Variants in ASAP2 observed in about 807,000 individuals in gnomAD.
ASAP2 encodes the protein arf-GAP with SH3 domain, ANK repeat and PH domain-containing protein 2.
In ASAP2, 45 loss-of-function variants were observed where a neutral mutation model predicts 131.4. That is an observed-to-expected ratio of 0.34 (90% CI 0.27 to 0.44). The LOEUF (loss-of-function observed/expected upper bound fraction) is 0.44, where lower values mean the gene tolerates loss of function less well. Among genes scored for constraint, ASAP2 ranks in the 20% least tolerant of loss-of-function variants. The pLI is 1.00. For missense variants in ASAP2, 1,011 were observed against 1,297.0 expected (o/e 0.78, Z 3.39); for synonymous variants, 510 against 503.0 (o/e 1.01, Z -0.19).
chr2:9,271,435 T>C, intron 1 of ASAP2: 1 of 1,427,600 alleles, frequency 7.0e-7, no homozygotes, highest in Non-Finnish European at 9.9e-7. Context: ...GCAGGCAAAC[T>C]TCTTAAACGC....
intron 12 of ASAP2, 88 bp downstream of exon 12, chr2:9,350,983 G>T: frequency 3.0e-6 from 3 of 1,016,516 alleles, no homozygotes; most frequent in East Asian, 2.6e-5. Flanking sequence ...CACTGCATTC[G>T]GAAGAATTGG....
At chr2:9,331,168 C>A (rs1460931159) in intron 7 of ASAP2, among the ~76,000 whole-genome samples, 1 of 152,254 alleles carries the variant, frequency 6.6e-6, no homozygotes, top group Non-Finnish European at 1.5e-5. Flanking sequence ...GGCCTCTGCA[C>A]ACTGCTGTGC....
chr2:9,236,063 A>G (rs1474278990), intron 1 of ASAP2, among the ~76,000 whole-genome samples: 3 of 152,068 alleles, frequency 2.0e-5, no homozygotes, highest in Non-Finnish European at 4.4e-5. Context: ...ACCTTGTCCC[A>G]AGTGTGTCCG....
intron 1 of ASAP2, among the ~76,000 whole-genome samples, chr2:9,208,039 G>T (rs1009570915): frequency 1.3e-5 from 2 of 152,210 alleles, no homozygotes; most frequent in Admixed American, 6.5e-5. Flanking sequence ...AATTAAAGCC[G>T]TGGGGAAAGG....
In ASAP2 at chr2:9,379,074, G is replaced by T; in HGVS notation, c.1948+15G>T. 1 of 1,502,898 alleles carries T rather than the reference G, an allele frequency of 6.7e-7. No homozygotes were observed. Among genetic ancestry groups the T allele is most frequent in the Non-Finnish European group, 8.9e-7 (1 of 1,123,358 alleles). The allele number at this position is 1,502,898 out of a possible 1,614,324, so 93.1% of individuals were successfully genotyped here. On this transcript the variant is annotated intron_variant, in intron 19 of 27. Coordinates refer to ENST00000281419, the MANE Select transcript of ASAP2 (RefSeq NM_003887.3). ...CATCGAGATAGGTGAGTGGGCCCGG[G>T]CCCCGGGGGTGGGCTCAGCTGCACC...
At chr2:9,386,682 G>A (rs1397023892) in intron 21 of ASAP2, among the ~76,000 whole-genome samples, 1 of 152,224 alleles carries the variant, frequency 6.6e-6, no homozygotes, top group African/African-American at 2.4e-5. Context: ...GAAAGGGTTG[G>A]TGGTCCTGTG....
chr2:9,377,322 C>T (rs1674485848), intron 18 of ASAP2, among the ~76,000 whole-genome samples: 2 of 152,310 alleles, frequency 1.3e-5, no homozygotes, highest in Middle Eastern at 6.8e-3. Context: ...TCCTGTGAGC[C>T]AGGTCATCGT....
chr2:9,367,100 G>A (rs1673539149), intron 15 of ASAP2, among the ~76,000 whole-genome samples: 1 of 147,474 alleles, frequency 6.8e-6, no homozygotes, highest in East Asian at 2.0e-4. Flanking sequence ...GTGTGATCTC[G>A]GCTCACTGCA....
intron 2 of ASAP2, among the ~76,000 whole-genome samples, chr2:9,291,652 G>A (rs981911374): frequency 2.0e-5 from 3 of 152,252 alleles, no homozygotes; most frequent in South Asian, 2.1e-4. Context: ...TCCCTTCGCC[G>A]AGCTGTCTGC....
chr2:9,395,063 G>A (rs990185235), intron 24 of ASAP2, among the ~76,000 whole-genome samples: 5 of 152,210 alleles, frequency 3.3e-5, no homozygotes, highest in Non-Finnish European at 7.3e-5. Context: ...CCTGGCCCTG[G>A]AAGCTGGCAC....
chr2:9,239,665 T>C (rs957542993), intron 1 of ASAP2, among the ~76,000 whole-genome samples: 3 of 152,204 alleles, frequency 2.0e-5, no homozygotes, highest in Admixed American at 1.3e-4. Flanking sequence ...TGGACCCATC[T>C]AAGGGGCACA....
chr2:9,336,329 A>T (rs1331263577), intron 9 of ASAP2, among the ~76,000 whole-genome samples: 1 of 150,788 alleles, frequency 6.6e-6, no homozygotes, highest in African/African-American at 2.4e-5. Flanking sequence ...TGAATTCTAC[A>T]CATCTCTCTA....
chr2:9,393,461 G>C, intron 23 of ASAP2, 21 bp from the exon 24 acceptor site: 1 of 1,588,394 alleles, frequency 6.3e-7, no homozygotes, highest in Non-Finnish European at 8.6e-7. Flanking sequence ...CCCTCTGCAC[G>C]TCTCTCCCTG....
chr2:9,206,930 G>C lies in ASAP2; in HGVS notation c.-175G>C, dbSNP rs1277967577. ...CCGGCCGAGCTGCGCGGGGCTGCGC[G>C]CCGCCCCTGCTCCGCCGCCAGGCCC... is the stretch of plus-strand genomic sequence containing the variant. On this transcript the variant is annotated 5_prime_UTR_variant, in exon 1 of 28. Coordinates refer to ENST00000281419, the MANE Select transcript of ASAP2 (RefSeq NM_003887.3). This position sits in a 1 kb window ranked among gnomAD's most constrained non-coding sequence, Gnocchi z 4.0. The C allele has an allele frequency of 4.4e-5, 18 of 410,526 alleles. No individual in the cohort carries two copies. Among genetic ancestry groups the C allele is most frequent in the Non-Finnish European group, 4.9e-5 (15 of 307,646 alleles). The allele number at this position is 410,526 out of a possible 1,614,324, so 25.4% of individuals were successfully genotyped here.
intron 24 of ASAP2, among the ~76,000 whole-genome samples, chr2:9,394,772 C>T (rs897301766): frequency 3.9e-5 from 6 of 152,192 alleles, no homozygotes; most frequent in African/African-American, 1.4e-4. Context: ...ATTCTGCTGA[C>T]AGATTGTCAG....
chr2:9,286,437 G>GAAAAA (rs556978805), intron 2 of ASAP2, among the ~76,000 whole-genome samples: 321 of 128,922 alleles, frequency 2.5e-3, no homozygotes, highest in African/African-American at 9.3e-3. Context: ...TTTAAAAAAG[G>GAAAAA]AAAAAAAAAA....
intron 5 of ASAP2, among the ~76,000 whole-genome samples, chr2:9,321,106 A>G (rs532220556): frequency 6.6e-6 from 1 of 152,298 alleles, no homozygotes; most frequent in East Asian, 1.9e-4. Context: ...TGTGTCTTGG[A>G]GTGCTCTGAA....
At position 9,378,860 on chromosome 2, in the gene ASAP2, G is replaced by T. The variant is rs889464832; in HGVS notation, c.1833-84G>T. 2.0e-5 allele frequency: 19 copies of T among 966,562 alleles called. No individual in the cohort carries two copies. The African/African-American group carries it at 3.1e-4, about 16-fold the overall frequency. The allele number at this position is 966,562 out of a possible 1,614,324, so 59.9% of individuals were successfully genotyped here. ...GGGACTGTCTGCCTTTCCTGTGCCC[G>T]TAGCCCAGGCTCCCTGCCGGGCAGT... On this transcript the variant is annotated intron_variant, in intron 18 of 27. Coordinates refer to ENST00000281419, the MANE Select transcript of ASAP2 (RefSeq NM_003887.3).
chr2:9,379,009 A>G lies in ASAP2; in HGVS notation c.1898A>G (p.Asn633Ser), dbSNP rs199625106. ...CTGCACTACTGCTGCCTGACCGACA[A>G]TGCCGAGTGCCTCAAGTTGCTCCTG... ...TALHYCCLTD[N>S]AECLKLLLRG... The change falls in exon 19 of 28, where the codon AAT becomes AGT. Residue 633 changes from asparagine to serine, a missense_variant. This residue lies in a region of ASAP2 where 652 missense variants were observed against 698.9 expected (regional missense o/e 0.93). Transcript: ENST00000281419. The G allele has an allele frequency of 3.8e-6, 6 of 1,578,042 alleles. No homozygotes were observed. Among genetic ancestry groups the G allele is most frequent in the Non-Finnish European group, 5.2e-6 (6 of 1,161,558 alleles).
Sources: gnomAD v4.1 joint callset for allele counts (sites outside exome capture counted in the v4.1 genomes callset) on GRCh38, gnomAD v4.1.1 for gene constraint, gnomAD v4.1.1 regional missense constraint, Gnocchi (gnomAD v3.1) non-coding constraint, MANE v1.5 for transcripts, NCBI Gene and HGNC (gene_info 2026-07-23, HGNC 2026-07-21) for gene names.